The following NUCB2 variants were observed in gnomAD, a reference collection of about 807,000 sequenced individuals.
NUCB2 encodes the protein nucleobindin 2, also known as nucleobindin-2.
A neutral mutation model predicts 57.9 loss-of-function variants in NUCB2; 48 were observed. The ratio of observed to expected loss-of-function variants is 0.83; its 90% CI spans 0.66 to 1.05. The LOEUF is 1.05. NUCB2 is among the 50% of genes least tolerant of loss of function. The pLI is 0.00. For synonymous variants in NUCB2, 139 were observed against 152.1 expected (o/e 0.91, Z 0.64); for missense variants, 442 against 476.2 (o/e 0.93, Z 0.67).
chr11:17,295,554 C>T (rs557288359), intron 3 of NUCB2, 87 bp downstream of exon 3: 4 of 980,628 alleles, frequency 4.1e-6, no homozygotes, highest in East Asian at 2.5e-5. Flanking sequence ...TGAGGTGAAA[C>T]TATAACTAAA....
chr11:17,336,703 G>A (rs1359320017), downstream of NUCB2, among the ~76,000 whole-genome samples: 6 of 122,484 alleles, frequency 4.9e-5, no homozygotes, highest in South Asian at 2.8e-4. Context: ...GCAGTGAGCC[G>A]AGATCGCGCC....
intron 5 of NUCB2, among the ~76,000 whole-genome samples, chr11:17,306,390 A>G (rs1388675084): frequency 6.6e-6 from 1 of 152,252 alleles, no homozygotes; most frequent in Non-Finnish European, 1.5e-5. Flanking sequence ...TTTTAAACAT[A>G]TAGTCTTAGA....
intron 4 of NUCB2, among the ~76,000 whole-genome samples, chr11:17,301,252 C>T (rs1468384105): frequency 2.2e-5 from 3 of 138,688 alleles, no homozygotes; most frequent in Non-Finnish European, 4.6e-5. Context: ...GGATTACAGG[C>T]GTGAGCCACC....
chr11:17,335,476 G>C (rs1422741547), downstream of NUCB2, among the ~76,000 whole-genome samples: 1 of 151,902 alleles, frequency 6.6e-6, no homozygotes, highest in Non-Finnish European at 1.5e-5. Flanking sequence ...GTAATTTTTT[G>C]AGTACTAGGC....
At chr11:17,293,168 C>T (rs1468369774) in intron 2 of NUCB2, among the ~76,000 whole-genome samples, 4 of 150,630 alleles carry the variant, frequency 2.7e-5, no homozygotes, top group South Asian at 2.1e-4. Flanking sequence ...GCAGGAGAAT[C>T]GCTTGAACCC....
chr11:17,301,871 G>A lies in NUCB2; in HGVS notation c.379+1G>A. The A allele has an allele frequency of 6.2e-7, 1 of 1,609,738 alleles. No individual in the cohort carries two copies. Among genetic ancestry groups the A allele is most frequent in the East Asian group, 2.2e-5 (1 of 44,806 alleles). On this transcript the variant is annotated splice_donor_variant, in intron 5 of 13. Transcript: ENST00000529010. LOFTEE classifies it high-confidence loss of function. Reference sequence around the variant, plus strand: ...AAAGCTAAGTTGGATTCCCTTCAAGGTAAGTGCTAAACAAAAGGTAGGATT... The same window carrying A: ...AAAGCTAAGTTGGATTCCCTTCAAGATAAGTGCTAAACAAAAGGTAGGATT...
chr11:17,349,517 G>T (rs1008115765), exon 3 of NUCB2: 1 of 152,124 alleles, frequency 6.6e-6, no homozygotes, highest in Non-Finnish European at 1.5e-5. Context: ...AAGAAGGAAG[G>T]GGAAAAGAAG....
intron 2 of NUCB2, among the ~76,000 whole-genome samples, chr11:17,288,152 A>G (rs1944108129): frequency 6.6e-6 from 1 of 152,148 alleles, no homozygotes; most frequent in South Asian, 2.1e-4. Context: ...GAATACCTTT[A>G]TCAATTTATT....
chr11:17,282,202 A>ATGTATC (rs1942726442), intron 1 of NUCB2, among the ~76,000 whole-genome samples: 1 of 144,400 alleles, frequency 6.9e-6, no homozygotes, highest in African/African-American at 2.6e-5. Flanking sequence ...ATCTATATCT[A>ATGTATC]TATATCTATA....
At chr11:17,332,718 T>TTTAAA (rs1951511438), downstream of NUCB2, 1 of 151,686 alleles carries the variant, frequency 6.6e-6, no homozygotes, top group African/African-American at 2.4e-5. Context: ...AAACTGACCT[T>TTTAAA]TTAAATTTTT....
chr11:17,318,339 A>T (rs1949565113), intron 11 of NUCB2, among the ~76,000 whole-genome samples: 1 of 151,922 alleles, frequency 6.6e-6, no homozygotes, highest in African/African-American at 2.4e-5. Flanking sequence ...TAAAAAAAAA[A>T]TACATTCAAT....
At chr11:17,318,328 T>TA (rs1286692733) in intron 11 of NUCB2, among the ~76,000 whole-genome samples, 1 of 140,582 alleles carries the variant, frequency 7.1e-6, no homozygotes, top group Non-Finnish European at 1.6e-5. Context: ...GAAGTCAGCT[T>TA]TAAAAAAAAA....
intron 1 of NUCB2, among the ~76,000 whole-genome samples, chr11:17,277,618 G>A (rs1237525228): frequency 6.6e-6 from 1 of 152,180 alleles, no homozygotes; most frequent in Non-Finnish European, 1.5e-5. Context: ...ATTGAATAAT[G>A]TACATTTTAT....
intron 11 of NUCB2, among the ~76,000 whole-genome samples, chr11:17,320,292 T>C (rs1405900952): frequency 6.6e-6 from 1 of 152,198 alleles, no homozygotes; most frequent in South Asian, 2.1e-4. Context: ...ATTTCATTTA[T>C]TCACTCAATC....
intron 2 of NUCB2, among the ~76,000 whole-genome samples, chr11:17,288,714 C>T (rs1332428868): frequency 6.6e-6 from 1 of 150,950 alleles, no homozygotes; most frequent in Non-Finnish European, 1.5e-5. Context: ...GCCACCTCTC[C>T]AGGCTAATTT....
At chr11:17,306,962 G>A (rs1157837517) in intron 5 of NUCB2, among the ~76,000 whole-genome samples, 5 of 151,786 alleles carry the variant, frequency 3.3e-5, no homozygotes, top group African/African-American at 1.2e-4. Flanking sequence ...TTTAAACTAA[G>A]GAATATTGTT....
chr11:17,337,007 C>T (rs1446098092), downstream of NUCB2, among the ~76,000 whole-genome samples: 1 of 151,880 alleles, frequency 6.6e-6, no homozygotes, highest in Admixed American at 6.6e-5. Flanking sequence ...GTGGTGCCAT[C>T]ATAACTCACT....
intron 10 of NUCB2, among the ~76,000 whole-genome samples, chr11:17,313,690 GT>G (rs1948838614): frequency 6.6e-6 from 1 of 152,090 alleles, no homozygotes; most frequent in Non-Finnish European, 1.5e-5. Context: ...TGCTGATACA[GT>G]TGATGCCTCC....
At chr11:17,342,877 T>C (rs1209818509) in intron 2 of NUCB2, among the ~76,000 whole-genome samples, 4 of 152,198 alleles carry the variant, frequency 2.6e-5, no homozygotes, top group Admixed American at 6.5e-5. Context: ...CTGTTAACTT[T>C]CTGTCTCGTT....
Sources: gnomAD v4.1 joint callset for allele counts (sites outside exome capture counted in the v4.1 genomes callset) on GRCh38, gnomAD v4.1.1 for gene constraint, MANE v1.5 for transcripts, NCBI Gene and HGNC (gene_info 2026-07-23, HGNC 2026-07-21) for gene names.